Variants in LIN52 observed in about 807,000 individuals in gnomAD.
LIN52 encodes lin-52 DREAM MuvB core complex component.
In LIN52, 4 loss-of-function variants were observed where a neutral mutation model predicts 18.5. The observed-to-expected ratio is 0.22, with a 90% CI of 0.11 to 0.49. The LOEUF is 0.49. Among genes scored for constraint, LIN52 ranks in the 20% least tolerant of loss-of-function variants. The probability of loss-of-function intolerance (pLI) is 0.97; values close to 1 mark genes in which losing one functional copy is unlikely to be tolerated. For missense variants in LIN52, 102 were observed against 139.5 expected, an observed-to-expected ratio of 0.73 and a Z score of 1.35; for synonymous variants, 34 against 45.5, an observed-to-expected ratio of 0.75 and a Z score of 1.02.
intron 5 of LIN52, among the ~76,000 whole-genome samples, chr14:74,145,107 T>C (rs944054886): frequency 7.9e-5 from 12 of 152,264 alleles, no homozygotes; most frequent in African/African-American, 2.9e-4. Context: ...TTCCATGGTA[T>C]GAAATCAGTG....
chr14:74,098,671 C>G (rs1460958962), intron 4 of LIN52, among the ~76,000 whole-genome samples: 1 of 151,832 alleles, frequency 6.6e-6, no homozygotes, highest in Non-Finnish European at 1.5e-5. Context: ...CCTCAGCCTC[C>G]CGAGTAGCTG....
At chr14:74,124,987 C>T (rs1490300236) in intron 5 of LIN52, among the ~76,000 whole-genome samples, 2 of 152,030 alleles carry the variant, frequency 1.3e-5, no homozygotes, top group Non-Finnish European at 1.5e-5. Flanking sequence ...AGACAACCAA[C>T]AGAATGGGAG....
At chr14:74,185,309 C>CTTTTTTTTTTTTTTTTTT (rs71115969) in intron 5 of LIN52, among the ~76,000 whole-genome samples, 2 of 78,786 alleles carry the variant, frequency 2.5e-5, no homozygotes, top group African/African-American at 1.1e-4. Flanking sequence ...ATAATGATTT[C>CTTTTTTTTTTTTTTTTTT]TTTTTTTTTT....
intron 5 of LIN52, among the ~76,000 whole-genome samples, chr14:74,197,667 A>G (rs912439968): frequency 6.6e-6 from 1 of 152,216 alleles, no homozygotes; most frequent in Admixed American, 6.5e-5. Flanking sequence ...TTCTATGCCT[A>G]GTTAATGGAA....
intron 5 of LIN52, among the ~76,000 whole-genome samples, chr14:74,194,445 C>T (rs970846766): frequency 1.3e-5 from 2 of 152,190 alleles, no homozygotes; most frequent in African/African-American, 4.8e-5. Flanking sequence ...CCTGACCTCT[C>T]CAAGTATACC....
intron 5 of LIN52, among the ~76,000 whole-genome samples, chr14:74,120,298 T>G (rs1042502452): frequency 6.6e-6 from 1 of 152,150 alleles, no homozygotes; most frequent in Non-Finnish European, 1.5e-5. Context: ...TTCCCCCAAC[T>G]TTTTATTTGT....
intron 5 of LIN52, among the ~76,000 whole-genome samples, chr14:74,167,162 G>C (rs1029891): frequency 0.81 from 118,876 of 146,974 alleles, 48,204 homozygotes; most frequent in Admixed American, 0.83. Flanking sequence ...AATTATCAAC[G>C]TGCAGCAAAT....
Position 74,166,759 on chromosome 14 carries a change from C to A in LIN52, c.284-32163C>A, listed in dbSNP as rs537639819. On this transcript the variant is annotated intron_variant, in intron 5 of 5. Coordinates refer to ENST00000555028, the MANE Select transcript of LIN52 (RefSeq NM_001024674.3). ...GTGTAAGGGGTATTTTCCTGAATAT[C>A]TAGCTGGATTGCAATTCACTTGGGA... is the stretch of plus-strand genomic sequence containing the variant. Among the ~76,000 whole-genome samples, 9 of 152,218 alleles carry A rather than the reference C, an allele frequency of 5.9e-5. No individual in the cohort carries two copies. The East Asian group carries it at 1.7e-3, about 29-fold the overall frequency.
chr14:74,131,771 G>A (rs78587356), intron 5 of LIN52, among the ~76,000 whole-genome samples: 2,073 of 152,170 alleles, frequency 0.014, 40 homozygotes, highest in African/African-American at 0.047. Context: ...TATAGTCCTT[G>A]TCTGTTTTTC....
intron 5 of LIN52, among the ~76,000 whole-genome samples, chr14:74,195,556 A>ACGTG (rs1555385483): frequency 2.7e-5 from 4 of 149,564 alleles, no homozygotes; most frequent in African/African-American, 9.8e-5. Context: ...GTGTGTGTGT[A>ACGTG]TGTGTGTGTG....
chr14:74,177,921 G>T (rs2061300889), intron 5 of LIN52, among the ~76,000 whole-genome samples: 1 of 152,148 alleles, frequency 6.6e-6, no homozygotes, highest in Non-Finnish European at 1.5e-5. Context: ...GGGATTACAG[G>T]CACCCGCCAC....
At chr14:74,164,685 C>T (rs1357902870) in intron 5 of LIN52, among the ~76,000 whole-genome samples, 1 of 152,266 alleles carries the variant, frequency 6.6e-6, no homozygotes, top group East Asian at 1.9e-4. Flanking sequence ...TTAGAAGAGA[C>T]TAATCTGGGG....
intron 5 of LIN52, among the ~76,000 whole-genome samples, chr14:74,152,670 A>C (rs1413224784): frequency 6.6e-6 from 1 of 151,678 alleles, no homozygotes; most frequent in African/African-American, 2.4e-5. Context: ...GTATTTTAGA[A>C]GCCAGGGCCA....
intron 5 of LIN52, among the ~76,000 whole-genome samples, chr14:74,125,101 A>G (rs1427248364): frequency 6.6e-6 from 1 of 152,192 alleles, no homozygotes; most frequent in Non-Finnish European, 1.5e-5. Flanking sequence ...AGAAATTAGC[A>G]TGTTTTATAA....
At chr14:74,196,693 G>GTTCATTCA (rs540791313) in intron 5 of LIN52, among the ~76,000 whole-genome samples, 1 of 152,090 alleles carries the variant, frequency 6.6e-6, no homozygotes, top group East Asian at 1.9e-4. Context: ...TGTGCAGTTT[G>GTTCATTCA]TTCATTCATT....
intron 4 of LIN52, among the ~76,000 whole-genome samples, chr14:74,099,933 T>C (rs1382316452): frequency 1.3e-5 from 2 of 152,228 alleles, no homozygotes; most frequent in Non-Finnish European, 2.9e-5. Context: ...ACTGTGATGG[T>C]GAAAGAGATC....
At chr14:74,161,111 G>A (rs2061222540) in intron 5 of LIN52, among the ~76,000 whole-genome samples, 1 of 152,150 alleles carries the variant, frequency 6.6e-6, no homozygotes, top group Admixed American at 6.5e-5. Context: ...GTATCACATT[G>A]TGTTTCATAT....
At chr14:74,181,935 T>A (rs935995225) in intron 5 of LIN52, among the ~76,000 whole-genome samples, 1 of 152,244 alleles carries the variant, frequency 6.6e-6, no homozygotes, top group African/African-American at 2.4e-5. Flanking sequence ...ACCTTTGTAC[T>A]GCTACATGAT....
chr14:74,185,309 C>CTTTTTTTTTTTTTTT (rs71115969), intron 5 of LIN52, among the ~76,000 whole-genome samples: 2 of 78,786 alleles, frequency 2.5e-5, no homozygotes, highest in Admixed American at 2.0e-4. Context: ...ATAATGATTT[C>CTTTTTTTTTTTTTTT]TTTTTTTTTT....
Sources: gnomAD v4.1 joint callset for allele counts (sites outside exome capture counted in the v4.1 genomes callset) on GRCh38, gnomAD v4.1.1 for gene constraint, MANE v1.5 for transcripts, NCBI Gene and HGNC (gene_info 2026-07-23, HGNC 2026-07-21) for gene names.